Variants in PCDHGA9 observed in about 807,000 individuals in gnomAD.
PCDHGA9 encodes the protein protocadherin gamma-A9.
PCDHGA9 carries 37 observed loss-of-function variants against 62.5 expected under a neutral mutation model. The ratio of observed to expected loss-of-function variants is 0.59; its 90% CI spans 0.46 to 0.78. PCDHGA9 has a LOEUF of 0.78. Ranked by LOEUF, PCDHGA9 falls within the 30% of genes least tolerant of loss-of-function variation. PCDHGA9 has a pLI of 0.00. For synonymous variants in PCDHGA9, 459 were observed against 484.6 expected, an observed-to-expected ratio of 0.95 and a Z score of 0.69; for missense variants, 1,138 against 1,166.2, an observed-to-expected ratio of 0.98 and a Z score of 0.35.
intron 1 of PCDHGA9, chr5:141,468,351 A>G (rs1030472813): frequency 6.7e-6 from 1 of 149,192 alleles, no homozygotes; most frequent in Non-Finnish European, 1.5e-5. Context: ...AAAAAAAAAG[A>G]AAGAAAAAAG....
chr5:141,434,784 A>C (rs967716221), intron 1 of PCDHGA9, among the ~76,000 whole-genome samples: 1 of 150,278 alleles, frequency 6.7e-6, no homozygotes, highest in African/African-American at 2.5e-5. Flanking sequence ...AAAAAAAAAA[A>C]TTTTTTTTTC....
chr5:141,459,253 ATTAGTGTTGCCTCT>A (rs1439680561), intron 1 of PCDHGA9, among the ~76,000 whole-genome samples: 1 of 152,174 alleles, frequency 6.6e-6, no homozygotes, highest in African/African-American at 2.4e-5. Context: ...GTCACTATAA[ATTAGTGTTGCCTCT>A]TTCAGAATTT....
chr5:141,404,308 C>G lies in PCDHGA9; in HGVS notation c.1356C>G (p.Phe452Leu). 2 of 1,613,918 alleles carry G rather than the reference C, an allele frequency of 1.2e-6. No individual in the cohort carries two copies. Among genetic ancestry groups the G allele is most frequent in the East Asian group, 2.2e-5 (1 of 44,882 alleles). ...ACATCAATGATAATCCACCTGCTTT[C>G]TCTCAAGCCTCCTACTCAGTCTACC... is the stretch of plus-strand genomic sequence containing the variant. Reference protein sequence around the residue: ...VTDINDNPPAFSQASYSVYLP... With the variant: ...VTDINDNPPALSQASYSVYLP... The change falls in exon 1 of 4, where the codon TTC (phenylalanine) becomes TTG (leucine). Residue 452 changes from phenylalanine to leucine, a missense_variant. Coordinates refer to ENST00000573521, the MANE Select transcript of PCDHGA9 (RefSeq NM_018921.3).
chr5:141,441,789 A>G (rs889545483), intron 1 of PCDHGA9: 4 of 391,886 alleles, frequency 1.0e-5, no homozygotes, highest in Middle Eastern at 6.4e-4. Context: ...CCTGAATGAC[A>G]ACGCACCGCG....
Position 141,483,381 on chromosome 5 carries a change from G to T in PCDHGA9, c.2425-11426G>T, listed in dbSNP as rs147887550. ...AAGCTATTGCAATATTTGAAGAGAA[G>T]ATTGATAAATGCTTGAACCAGCACA... On this transcript the variant is annotated intron_variant, in intron 1 of 3. Transcript: ENST00000573521. 2.0e-3 allele frequency among the ~76,000 whole-genome samples: 305 copies of T among 152,292 alleles called. 2 individuals are homozygous for T. Among genetic ancestry groups the T allele is most frequent in the African/African-American group, 6.9e-3 (286 of 41,558 alleles).
chr5:141,499,731 C>T (rs2099794093), intron 2 of PCDHGA9, among the ~76,000 whole-genome samples: 1 of 138,132 alleles, frequency 7.2e-6, no homozygotes, highest in African/African-American at 2.7e-5. Context: ...GTCTCACTCT[C>T]TTGCCCAGGC....
At chr5:141,421,146 C>T in intron 1 of PCDHGA9, 1 of 1,015,090 alleles carries the variant, frequency 9.9e-7, no homozygotes, top group Non-Finnish European at 1.4e-6. Flanking sequence ...TGGATGTAGT[C>T]GGCCTAGGAC....
chr5:141,417,782 C>T (rs2096161767), intron 1 of PCDHGA9: 1 of 1,473,310 alleles, frequency 6.8e-7, no homozygotes, highest in Non-Finnish European at 9.0e-7. Flanking sequence ...CTGTCCTGGG[C>T]CGAATGCTCT....
intron 1 of PCDHGA9, chr5:141,419,468 C>T: frequency 6.2e-7 from 1 of 1,612,484 alleles, no homozygotes; most frequent in Non-Finnish European, 8.5e-7. Flanking sequence ...GGCCCGCGAC[C>T]AGGGCTCGCC....
In PCDHGA9 at chr5:141,486,959, G is replaced by A. The variant is rs1161675143; in HGVS notation, c.2425-7848G>A. The A allele has an allele frequency of 1.9e-6, 3 of 1,614,098 alleles. No individual in the cohort carries two copies. In the African/African-American group the frequency reaches 4.0e-5, roughly 22 times the overall value. On this transcript the variant is annotated intron_variant, in intron 1 of 3. Transcript: ENST00000573521. The surrounding 1 kb of genome is among the most constrained non-coding windows in gnomAD (Gnocchi z 5.0). ...CCACCTAATCACAAAGGTGACTGCTGTGGACTTGGATTCAGGTTACAATGC... is the reference window on the plus strand; with the variant it reads ...CCACCTAATCACAAAGGTGACTGCTATGGACTTGGATTCAGGTTACAATGC...
At chr5:141,423,183 G>GCCCCCTCTCTCGGCCAC (rs760086052) in intron 1 of PCDHGA9, 8 of 1,613,570 alleles carry the variant, frequency 5.0e-6, no homozygotes, top group Non-Finnish European at 6.8e-6. Context: ...ACCACGGCCA[G>GCCCCCTCTCTCGGCCAC]CCCCCTCTCT....
chr5:141,476,951 A>C lies in PCDHGA9; in HGVS notation c.2425-17856A>C. On this transcript the variant is annotated intron_variant, in intron 1 of 3. Coordinates refer to ENST00000573521, the MANE Select transcript of PCDHGA9 (RefSeq NM_018921.3). The surrounding 1 kb of genome is among the most constrained non-coding windows in gnomAD (Gnocchi z 7.6). ...TCTGGATGAAGGCCCCAACGGTGAA[A>C]TTATTTACTCCTTCGGCAGCCACAA... 6.2e-7 allele frequency: 1 copy of C among 1,614,184 alleles called. No individual in the cohort carries two copies. Among genetic ancestry groups the C allele is most frequent in the South Asian group, 1.1e-5 (1 of 91,088 alleles).
chr5:141,484,907 C>T, intron 1 of PCDHGA9: 1 of 409,994 alleles, frequency 2.4e-6, no homozygotes, highest in Non-Finnish European at 4.3e-6. Context: ...AATGCTGCGA[C>T]GCATTAACCC....
At position 141,485,729 on chromosome 5, in the gene PCDHGA9, A is replaced by G. The variant is rs2099618322; in HGVS notation, c.2425-9078A>G. 6.2e-7 allele frequency: 1 copy of G among 1,614,092 alleles called. No individual in the cohort carries two copies. The highest frequency in any genetic ancestry group is 1.1e-5 in the South Asian group (1 of 91,094). ...CTTTGCACTGGATGTGAAGAAGCGCAGCGACGGCAGCCTGGTCCCAGAGCT... is the reference window on the plus strand; with the variant it reads ...CTTTGCACTGGATGTGAAGAAGCGCGGCGACGGCAGCCTGGTCCCAGAGCT... On this transcript the variant is annotated intron_variant, in intron 1 of 3. Coordinates refer to ENST00000573521, the MANE Select transcript of PCDHGA9 (RefSeq NM_018921.3). This position sits in a 1 kb window ranked among gnomAD's most constrained non-coding sequence, Gnocchi z 5.7.
At chr5:141,416,652 A>T (rs1028914487) in intron 1 of PCDHGA9, 1 of 152,240 alleles carries the variant, frequency 6.6e-6, no homozygotes, top group Non-Finnish European at 1.5e-5. Context: ...ACAGCTGTAA[A>T]AAAGAAAAGA....
rs543209695 is a variant in PCDHGA9 at position 141,431,563 on chromosome 5, C to T, written c.2424+26187C>T. 24 of 1,614,026 alleles carry T rather than the reference C, an allele frequency of 1.5e-5. No individual in the cohort carries two copies. Among genetic ancestry groups the T allele is most frequent in the Non-Finnish European group, 1.9e-5 (23 of 1,180,046 alleles). ...AGCTGCTTGTAGTCAACGCTACCGA[C>T]CCTGACGAAGGAGTCAATGCGGAAG... On this transcript the variant is annotated intron_variant, in intron 1 of 3. Transcript: ENST00000573521. The surrounding 1 kb of genome is among the most constrained non-coding windows in gnomAD (Gnocchi z 4.8).
chr5:141,473,798 T>C lies in PCDHGA9; in HGVS notation c.2425-21009T>C, dbSNP rs1202883137. 2.6e-5 allele frequency among the ~76,000 whole-genome samples: 4 copies of C among 152,350 alleles called. 1 individual carries two copies. The highest frequency in any genetic ancestry group is 6.8e-3 in the Middle Eastern group (2 of 294). On this transcript the variant is annotated intron_variant, in intron 1 of 3. Transcript: ENST00000573521. ...TTTTAATTCAAGAGCAGTATGATGCTACTGAGGAGCAGCTGGACAATTGTG... is the reference window on the plus strand; with the variant it reads ...TTTTAATTCAAGAGCAGTATGATGCCACTGAGGAGCAGCTGGACAATTGTG...
chr5:141,431,582 G>A lies in PCDHGA9; in HGVS notation c.2424+26206G>A. On this transcript the variant is annotated intron_variant, in intron 1 of 3. Coordinates refer to ENST00000573521, the MANE Select transcript of PCDHGA9 (RefSeq NM_018921.3). The surrounding 1 kb of genome is among the most constrained non-coding windows in gnomAD (Gnocchi z 4.8). Reference sequence around the variant, plus strand: ...TACCGACCCTGACGAAGGAGTCAATGCGGAAGTGAGGTATTCCTTCCGGTA... The same window carrying A: ...TACCGACCCTGACGAAGGAGTCAATACGGAAGTGAGGTATTCCTTCCGGTA... The A allele has an allele frequency of 6.2e-7, 1 of 1,614,210 alleles. No homozygotes were observed. Among genetic ancestry groups the A allele is most frequent in the Non-Finnish European group, 8.5e-7 (1 of 1,180,036 alleles).
At position 141,491,546 on chromosome 5, in the gene PCDHGA9, C is replaced by T; in HGVS notation, c.2425-3261C>T. ...GAGGTGACGCTGCGGCCCACAGACT[C>T]GCAGAGCCACTGCTACAGGACGTGC... On this transcript the variant is annotated intron_variant, in intron 1 of 3. Transcript: ENST00000573521. This position sits in a 1 kb window ranked among gnomAD's most constrained non-coding sequence, Gnocchi z 6.9. 1.9e-6 allele frequency: 3 copies of T among 1,614,038 alleles called. No homozygotes were observed. Among genetic ancestry groups the T allele is most frequent in the Non-Finnish European group, 2.5e-6 (3 of 1,180,024 alleles).
Sources: allele counts gnomAD v4.1 joint callset (sites outside exome capture counted in the v4.1 genomes callset), GRCh38; gene constraint gnomAD v4.1.1; non-coding constraint Gnocchi (gnomAD v3.1); transcripts MANE v1.5; gene names NCBI Gene and HGNC (gene_info 2026-07-23, HGNC 2026-07-21).